ZFP28: variants seen among roughly 807,000 people sequenced by gnomAD.
The protein encoded by ZFP28 is ZFP28 zinc finger protein, also known as zinc finger protein 28 homolog.
In ZFP28, 31 loss-of-function variants were observed where a neutral mutation model predicts 39.5. That is an observed-to-expected ratio of 0.79 (90% CI 0.59 to 1.06). The LOEUF is 1.06. Ranked by LOEUF, ZFP28 falls within the 50% of genes least tolerant of loss-of-function variation. The probability of loss-of-function intolerance (pLI) is 0.00; values close to 1 mark genes in which losing one functional copy is unlikely to be tolerated. For missense variants in ZFP28, 925 were observed against 1,048.4 expected, an observed-to-expected ratio of 0.88 and a Z score of 1.63; for synonymous variants, 400 against 378.6, an observed-to-expected ratio of 1.06 and a Z score of -0.66.
In ZFP28 at chr19:56,549,024, C is replaced by T; in HGVS notation, c.590C>T (p.Ser197Phe). ...LKKDFCEGKLSQAVITERLTS... is the reference protein window; with the variant it reads ...LKKDFCEGKLFQAVITERLTS... ...AAGGACTTCTGCGAAGGAAAGCTAT[C>T]CCAGGCAGTGATAACAGAGAGACTC... The change falls in exon 5 of 8, where the codon TCC (serine) becomes TTC (phenylalanine). Residue 197 changes from serine (S) to phenylalanine (F), a missense_variant. Ser to Phe is a radical substitution (Grantham distance 155). Around this residue, in one of 2 missense-constraint regions of ZFP28, gnomAD observed 556 missense variants for 542.9 expected, o/e 1.02. Coordinates refer to ENST00000301318, the MANE Select transcript of ZFP28 (RefSeq NM_020828.2). 1 of 1,614,098 alleles carries T rather than the reference C, an allele frequency of 6.2e-7. No homozygotes were observed. The highest frequency in any genetic ancestry group is 8.5e-7 in the Non-Finnish European group (1 of 1,180,010).
chr19:56,542,512 C>T lies in ZFP28; in HGVS notation c.300+2796C>T, dbSNP rs2044204480. Among the ~76,000 whole-genome samples, 4 of 152,210 alleles carry T rather than the reference C, an allele frequency of 2.6e-5. No individual in the cohort carries two copies. In the South Asian group the frequency reaches 8.3e-4, roughly 32 times the overall value. On this transcript the variant is annotated intron_variant, in intron 2 of 7. Coordinates refer to ENST00000301318, the MANE Select transcript of ZFP28 (RefSeq NM_020828.2). ...AAATTTGCATATAGGTGGACCCTTG[C>T]AGCCCAGATCCATGTTGTTCGAAGG...
Position 56,547,836 on chromosome 19 carries a change from T to A in ZFP28, c.457T>A (p.Ser153Thr). 6.2e-7 allele frequency: 1 copy of A among 1,614,142 alleles called. No individual in the cohort carries two copies. Among genetic ancestry groups the A allele is most frequent in the Non-Finnish European group, 8.5e-7 (1 of 1,180,034 alleles). The stretch of plus-strand genomic sequence containing the variant: ...TTGTGTTTCTAAGCCCGATGTGATC[T>A]CCTCGTTGGAACAAGGAAAAGAGCC... ...GLCVSKPDVI[S>T]SLEQGKEPWT... The change falls in exon 4 of 8, where the codon TCC (serine) becomes ACC (threonine). Residue 153 changes from serine (S) to threonine (T), a missense_variant. Physicochemically the swap from Ser to Thr is moderately conservative, Grantham distance 58. Coordinates refer to ENST00000301318, the MANE Select transcript of ZFP28 (RefSeq NM_020828.2). The surrounding 1 kb of genome is among the most constrained non-coding windows in gnomAD (Gnocchi z 4.6).
intron 5 of ZFP28, 39 bp downstream of exon 5, chr19:56,549,160 C>T: frequency 1.3e-6 from 2 of 1,573,012 alleles, no homozygotes; most frequent in Non-Finnish European, 1.7e-6. Context: ...AGGAAGGATC[C>T]TTCATGAGGA....
intron 7 of ZFP28, 195 bp downstream of exon 7, chr19:56,550,800 T>TTTC (rs2044294327): frequency 7.9e-6 from 12 of 1,511,438 alleles, no homozygotes; most frequent in Non-Finnish European, 1.1e-5. Context: ...GTAACTGCCA[T>TTTC]TTCCCTGAAG....
At position 56,555,081 on chromosome 19, in the gene ZFP28, T is replaced by G. The variant is rs1405508068; in HGVS notation, c.2296T>G (p.Phe766Val). 6.8e-6 allele frequency: 11 copies of G among 1,614,194 alleles called. No homozygotes were observed. Among genetic ancestry groups the G allele is most frequent in the Non-Finnish European group, 9.3e-6 (11 of 1,180,034 alleles). The change falls in exon 8 of 8, where the codon TTT (phenylalanine) becomes GTT (valine). Residue 766 changes from phenylalanine to valine, a missense_variant. This residue lies in a region of ZFP28 where 369 missense variants were observed against 505.5 expected (regional missense o/e 0.73). Transcript: ENST00000301318. ...TGAATGCAGTGTGTGTGGCAAAGCC[T>G]TTAGTCATCGTCAATCCCTTAGTGT... ...PYECSVCGKA[F>V]SHRQSLSVHQ...
chr19:56,551,282 A>G (rs2044299822), intron 7 of ZFP28: 1 of 987,172 alleles, frequency 1.0e-6, no homozygotes, highest in Non-Finnish European at 1.2e-6. Flanking sequence ...ATTTCCATAG[A>G]AAATAATGGT....
At chr19:56,540,169 C>T (rs1416043840) in intron 2 of ZFP28, among the ~76,000 whole-genome samples, 7 of 152,208 alleles carry the variant, frequency 4.6e-5, no homozygotes. Context: ...ATGTGATCAT[C>T]CTTGGGCCAA....
rs2044255803 is a variant in ZFP28 at position 56,547,741 on chromosome 19, C to T, written c.428-66C>T. On this transcript the variant is annotated intron_variant, in intron 3 of 7. Transcript: ENST00000301318. This position sits in a 1 kb window ranked among gnomAD's most constrained non-coding sequence, Gnocchi z 4.6. ...ACCTGCACTGCCCTCTTGCGTCAAG[C>T]CAAGGGGACTGCATCTCAGTCTGGA... is the stretch of plus-strand genomic sequence containing the variant. The T allele has an allele frequency of 1.2e-6, 2 of 1,603,312 alleles. No homozygotes were observed. The highest frequency in any genetic ancestry group is 1.3e-5 in the African/African-American group (1 of 74,580).
In ZFP28 at chr19:56,555,332, A is replaced by C. The variant is rs771273956; in HGVS notation, c.2547A>C (p.Ser849=). The C allele has an allele frequency of 3.5e-5, 56 of 1,613,738 alleles. No homozygotes were observed. Among genetic ancestry groups the C allele is most frequent in the Non-Finnish European group, 2.5e-6 (3 of 1,179,956 alleles). ...CATGCCCCTCTTTACCTTCCACGTCAAATCCTGTGGATCTGTTTCCCAAAT... is the reference window on the plus strand; with the variant it reads ...CATGCCCCTCTTTACCTTCCACGTCCAATCCTGTGGATCTGTTTCCCAAAT... ...SSTCPSLPST[S]NPVDLFPKFL... Residue 849 remains serine, a synonymous_variant, in exon 8 of 8, where the codon TCA becomes TCC. Transcript: ENST00000301318.
rs756073000 is a variant in ZFP28 at position 56,539,654 on chromosome 19, C to T, written c.238C>T (p.Gln80Ter). The T allele has an allele frequency of 5.0e-6, 8 of 1,614,066 alleles. No individual in the cohort carries two copies. The highest frequency in any genetic ancestry group is 1.1e-5 in the South Asian group (1 of 91,062). Residue 80 changes from glutamine to a stop codon, truncating the protein, a stop_gained, in exon 2 of 8, where the codon CAG becomes TAG. Transcript: ENST00000301318. LOFTEE classifies it high-confidence loss of function. ...GCCTTCCAGGGACACTGCTCTTCCCCAGGAGAGAAACAAGAAGCTGGAGGC... is the reference window on the plus strand; with the variant it reads ...GCCTTCCAGGGACACTGCTCTTCCCTAGGAGAGAAACAAGAAGCTGGAGGC... ...ALPSRDTALPQERNKKLEAVG... is the reference protein window; with the variant it reads ...ALPSRDTALP
intron 5 of ZFP28, 79 bp from the exon 6 acceptor site, chr19:56,549,988 T>C: frequency 2.5e-6 from 3 of 1,188,418 alleles, no homozygotes; most frequent in Non-Finnish European, 3.6e-6. Flanking sequence ...TTTTGCAGTG[T>C]GGACACAGTC....
At chr19:56,539,764 C>T (rs763214959) in intron 2 of ZFP28, 48 bp downstream of exon 2, 2 of 1,555,320 alleles carry the variant, frequency 1.3e-6, no homozygotes, top group African/African-American at 2.7e-5. Flanking sequence ...TCTTGCTTTT[C>T]GGGACTTAAT....
chr19:56,547,956 G>T lies in ZFP28; in HGVS notation c.523+54G>T. On this transcript the variant is annotated intron_variant, in intron 4 of 7. Transcript: ENST00000301318. The surrounding 1 kb of genome is among the most constrained non-coding windows in gnomAD (Gnocchi z 4.6). ...GGCCACTGCTGGTCATAGTTCAGCT[G>T]ACTCAGACACGCAACATCTTCAGCA... 1 of 1,558,456 alleles carries T rather than the reference G, an allele frequency of 6.4e-7. No individual in the cohort carries two copies. The highest frequency in any genetic ancestry group is 1.1e-5 in the South Asian group (1 of 87,906).
Position 56,539,125 on chromosome 19 carries a change from C to T in ZFP28, c.107C>T (p.Pro36Leu). ...GGCCGAGGCCCGACTGTAGGGACTC[C>T]AGCCACCTTGGCCCTCCCTGCCCGG... ...RAGRGPTVGT[P>L]ATLALPARGR... Residue 36 changes from proline (P) to leucine (L), a missense_variant, in exon 1 of 8, where the codon CCA (proline) becomes CTA (leucine). Transcript: ENST00000301318. 6.3e-6 allele frequency: 10 copies of T among 1,583,338 alleles called. No homozygotes were observed. Among genetic ancestry groups the T allele is most frequent in the Admixed American group, 1.7e-5 (1 of 57,560 alleles).
Position 56,550,072 on chromosome 19 carries a change from G to A in ZFP28, c.693G>A (p.Leu231=), listed in dbSNP as rs779795646. ...YDALFETQPG[L]VTIKNLAVDF... ...ACGTGCTTTTACCATTGCAGGGCTT[G>A]GTGACTATCAAAAACCTGGCTGTTG... The change falls in exon 6 of 8, where the codon TTG becomes TTA. Residue 231 remains leucine, a synonymous_variant. Transcript: ENST00000301318. The A allele has an allele frequency of 1.9e-6, 3 of 1,610,202 alleles. No individual in the cohort carries two copies. The highest frequency in any genetic ancestry group is 1.7e-6 in the Non-Finnish European group (2 of 1,178,342).
At position 56,547,571 on chromosome 19, in the gene ZFP28, C is replaced by T; in HGVS notation, c.364C>T (p.Pro122Ser). Residue 122 changes from proline (P) to serine (S), a missense_variant, in exon 3 of 8, where the codon CCC (proline) becomes TCC (serine). Physicochemically the swap from Pro to Ser is moderately conservative, Grantham distance 74. This residue lies in a region of ZFP28 where 556 missense variants were observed against 542.9 expected (regional missense o/e 1.02). Transcript: ENST00000301318. The surrounding 1 kb of genome is among the most constrained non-coding windows in gnomAD (Gnocchi z 4.6). ...CCAAGAGGAGTGGGAGTGGCTGAAC[C>T]CCATTCAGAGGAACTTGTACAGGAA... ...FSQEEWEWLN[P>S]IQRNLYRKVM... 1 of 1,614,004 alleles carries T rather than the reference C, an allele frequency of 6.2e-7. No individual in the cohort carries two copies. Among genetic ancestry groups the T allele is most frequent in the Non-Finnish European group, 8.5e-7 (1 of 1,179,954 alleles).
intron 2 of ZFP28, among the ~76,000 whole-genome samples, chr19:56,540,629 T>C (rs2044187685): frequency 1.3e-5 from 2 of 152,214 alleles, no homozygotes; most frequent in South Asian, 4.1e-4. Flanking sequence ...GCTCAGAGGC[T>C]GGCAAACTTG....
At position 56,555,035 on chromosome 19, in the gene ZFP28, T is replaced by C; in HGVS notation, c.2250T>C (p.Ser750=). The C allele has an allele frequency of 1.2e-6, 2 of 1,614,116 alleles. No individual in the cohort carries two copies. Among genetic ancestry groups the C allele is most frequent in the Non-Finnish European group, 1.7e-6 (2 of 1,180,032 alleles). The change falls in exon 8 of 8, where the codon AGT becomes AGC. Residue 750 remains serine (S), a synonymous_variant. Transcript: ENST00000301318. ...TKSSLICHRR[S]HTGEKPYECS... ...CCTCCCTTATTTGTCATCGCAGAAG[T>C]CATACTGGAGAAAAACCTTATGAAT...
At chr19:56,549,803 G>A (rs1196626473) in intron 5 of ZFP28, among the ~76,000 whole-genome samples, 1 of 152,118 alleles carries the variant, frequency 6.6e-6, no homozygotes, top group South Asian at 2.1e-4. Flanking sequence ...TCTGTTAAAA[G>A]GTTCATACTG....
Sources: gnomAD v4.1 joint callset for allele counts (sites outside exome capture counted in the v4.1 genomes callset) on GRCh38, gnomAD v4.1.1 for gene constraint, gnomAD v4.1.1 regional missense constraint, Gnocchi (gnomAD v3.1) non-coding constraint, MANE v1.5 for transcripts, NCBI Gene and HGNC (gene_info 2026-07-23, HGNC 2026-07-21) for gene names.